ABCB11: variants seen among roughly 807,000 people sequenced by gnomAD.
The protein encoded by ABCB11 is bile salt export pump.
Under a neutral mutation model 148.0 loss-of-function variants are expected in ABCB11, and 95 were observed. The observed-to-expected ratio is 0.64, with a 90% CI of 0.54 to 0.76. The LOEUF (loss-of-function observed/expected upper bound fraction) is 0.76, where lower values mean the gene tolerates loss of function less well. ABCB11 is among the 30% of genes least tolerant of loss of function. The pLI, the probability that ABCB11 is intolerant of heterozygous loss-of-function variation, is 0.00. For missense variants in ABCB11, 1,523 were observed against 1,617.8 expected (o/e 0.94, Z 1.01); for synonymous variants, 591 against 555.4 (o/e 1.06, Z -0.90).
chr2:168,948,861 A>C (rs1432619757), intron 19 of ABCB11, among the ~76,000 whole-genome samples: 4 of 151,682 alleles, frequency 2.6e-5, no homozygotes, highest in Non-Finnish European at 5.9e-5. Context: ...CCCTCCTTAC[A>C]CGATGGACTT....
At chr2:169,008,215 T>A (rs559468003) in intron 5 of ABCB11, among the ~76,000 whole-genome samples, 13 of 152,290 alleles carry the variant, frequency 8.5e-5, no homozygotes, top group South Asian at 6.2e-4. Flanking sequence ...TCCCCTCACA[T>A]GCCCAAAATC....
intron 25 of ABCB11, among the ~76,000 whole-genome samples, chr2:168,929,049 T>C (rs1173990658): frequency 6.6e-6 from 1 of 152,200 alleles, no homozygotes; most frequent in Non-Finnish European, 1.5e-5. Flanking sequence ...TTCATAATAG[T>C]ATATTACATT....
chr2:168,966,419 G>C (rs564935906), intron 17 of ABCB11, among the ~76,000 whole-genome samples: 1 of 151,872 alleles, frequency 6.6e-6, no homozygotes, highest in African/African-American at 2.4e-5. Flanking sequence ...GAGCTGTCTA[G>C]CCTAGGCTGT....
At chr2:169,013,697 T>C (rs1272963401) in intron 4 of ABCB11, among the ~76,000 whole-genome samples, 187 bp from the exon 5 acceptor site, 1 of 152,160 alleles carries the variant, frequency 6.6e-6, no homozygotes, top group African/African-American at 2.4e-5. Flanking sequence ...ACATCAATTA[T>C]CTAAAACATT....
intron 10 of ABCB11, among the ~76,000 whole-genome samples, chr2:168,985,219 A>G (rs752229821): frequency 3.3e-5 from 5 of 152,218 alleles, no homozygotes; most frequent in Non-Finnish European, 7.3e-5. Flanking sequence ...TCTTGCAAGA[A>G]TGGCTATAAT....
downstream of ABCB11, among the ~76,000 whole-genome samples, chr2:168,917,472 C>A (rs1249730714): frequency 6.6e-6 from 1 of 152,122 alleles, no homozygotes; most frequent in Non-Finnish European, 1.5e-5. Flanking sequence ...TTTTTAATAT[C>A]ATACTGTATT....
chr2:169,028,307 C>T (rs539606416), intron 1 of ABCB11, among the ~76,000 whole-genome samples: 3 of 151,804 alleles, frequency 2.0e-5, no homozygotes, highest in Non-Finnish European at 2.9e-5. Flanking sequence ...GGAAATTAGG[C>T]GTCAAGCAGG....
intron 7 of ABCB11, among the ~76,000 whole-genome samples, chr2:168,994,468 T>C (rs180745796): frequency 1.5e-3 from 233 of 152,238 alleles, no homozygotes; most frequent in Non-Finnish European, 2.5e-3. Context: ...TTACTTAACC[T>C]TTTTGTGGCT....
intron 21 of ABCB11, among the ~76,000 whole-genome samples, chr2:168,942,500 A>C (rs6709087): frequency 1.7e-5 from 1 of 60,498 alleles, no homozygotes; most frequent in African/African-American, 5.8e-5. Flanking sequence ...AATTAAAACA[A>C]AGGGTGCAAA....
intron 10 of ABCB11, among the ~76,000 whole-genome samples, chr2:168,983,469 C>T (rs1054948961): frequency 6.6e-5 from 10 of 152,132 alleles, no homozygotes. Context: ...ATTGGTAACA[C>T]TTCCCATCCA....
rs550982454 is a variant in ABCB11, at chr2:168,961,141, A to G, written c.2179-3013T>C. ...AAACTTTTATGTCCATGCTGCATACATGCAACAAGAGATTTATTTAAAATT... is the reference window on the plus strand; with the variant it reads ...AAACTTTTATGTCCATGCTGCATACGTGCAACAAGAGATTTATTTAAAATT... On this transcript the variant is annotated intron_variant, in intron 18 of 27. Transcript: ENST00000650372. Among the ~76,000 whole-genome samples the G allele has an allele frequency of 1.1e-4, 16 of 151,900 alleles. No individual in the cohort carries two copies. In the South Asian group the frequency reaches 1.9e-3, roughly 18 times the overall value.
chr2:168,937,585 C>T (rs1691886408), intron 21 of ABCB11, among the ~76,000 whole-genome samples: 1 of 152,080 alleles, frequency 6.6e-6, no homozygotes. Context: ...TTAATGCAGC[C>T]CTAAACATGG....
At chr2:169,007,263 T>C (rs1231554880) in intron 5 of ABCB11, among the ~76,000 whole-genome samples, 2 of 152,162 alleles carry the variant, frequency 1.3e-5, no homozygotes, top group African/African-American at 4.8e-5. Context: ...AAAATAGTTG[T>C]TCCACAAATG....
intron 5 of ABCB11, among the ~76,000 whole-genome samples, chr2:168,998,390 A>C (rs1251843094): frequency 3.9e-5 from 6 of 152,180 alleles, no homozygotes; most frequent in Non-Finnish European, 5.9e-5. Flanking sequence ...ATAGTAGGTG[A>C]CTATAATAGT....
chr2:168,939,682 AAAAAG>A (rs931367027), intron 21 of ABCB11, among the ~76,000 whole-genome samples: 9 of 152,208 alleles, frequency 5.9e-5, no homozygotes, highest in Admixed American at 1.3e-4. Context: ...ATAAATATAA[AAAAAG>A]AAAAGAAAAG....
intron 14 of ABCB11, 36 bp downstream of exon 14, chr2:168,971,811 T>A (rs756286937): frequency 6.3e-7 from 1 of 1,595,728 alleles, no homozygotes; most frequent in South Asian, 1.1e-5. Context: ...TTCTATGACC[T>A]CTTAGTTTCT....
At chr2:168,926,477 T>C (rs1691318280) in intron 26 of ABCB11, among the ~76,000 whole-genome samples, 1 of 152,210 alleles carries the variant, frequency 6.6e-6, no homozygotes, top group African/African-American at 2.4e-5. Context: ...GCTATGAAGC[T>C]ACTAAGTGGC....
intron 5 of ABCB11, among the ~76,000 whole-genome samples, chr2:168,999,394 A>C (rs2106021425): frequency 6.6e-6 from 1 of 152,120 alleles, no homozygotes; most frequent in East Asian, 1.9e-4. Context: ...TATCACACCC[A>C]GGATATTGAC....
intron 5 of ABCB11, among the ~76,000 whole-genome samples, chr2:169,007,020 A>G (rs1695038342): frequency 6.6e-6 from 1 of 152,196 alleles, no homozygotes; most frequent in African/African-American, 2.4e-5. Flanking sequence ...TCTTTGCAGA[A>G]GTTAAACAAT....
Sources: gnomAD v4.1 joint callset for allele counts (sites outside exome capture counted in the v4.1 genomes callset) on GRCh38, gnomAD v4.1.1 for gene constraint, MANE v1.5 for transcripts, NCBI Gene and HGNC (gene_info 2026-07-23, HGNC 2026-07-21) for gene names.